The following RBFOX1 variants were observed in gnomAD, a reference collection of about 807,000 sequenced individuals.
The protein encoded by RBFOX1 is RNA binding fox-1 homolog 1.
RBFOX1 carries 8 observed loss-of-function variants against 57.7 expected under a neutral mutation model. The observed-to-expected ratio is 0.14, with a 90% CI of 0.08 to 0.25. The LOEUF (loss-of-function observed/expected upper bound fraction) is 0.25. Among genes scored for constraint, RBFOX1 ranks in the 10% least tolerant of loss-of-function variants. The pLI is 1.00. For missense variants in RBFOX1, 611 were observed against 548.5 expected (o/e 1.11, Z -1.14); for synonymous variants, 326 against 222.4 (o/e 1.47, Z -4.15).
chr16:6,227,466 T>C (rs1567722111), intron 1 of RBFOX1, among the ~76,000 whole-genome samples: 2 of 152,132 alleles, frequency 1.3e-5, no homozygotes, highest in Non-Finnish European at 2.9e-5. Flanking sequence ...CAAACCTTGA[T>C]TTCTCAGGGT....
intron 1 of RBFOX1, among the ~76,000 whole-genome samples, chr16:6,064,122 C>T (rs2095726710): frequency 6.6e-6 from 1 of 152,118 alleles, no homozygotes; most frequent in African/African-American, 2.4e-5. Flanking sequence ...TAACAAGCTC[C>T]TTACTACTGA....
At chr16:5,624,061 T>C (rs898352446) in intron 3 of RBFOX1, among the ~76,000 whole-genome samples, 1 of 152,200 alleles carries the variant, frequency 6.6e-6, no homozygotes, top group Non-Finnish European at 1.5e-5. Flanking sequence ...GTCCACCCCA[T>C]TTTACAGAAG....
At chr16:7,141,111 T>G (rs1482184575) in intron 4 of RBFOX1, among the ~76,000 whole-genome samples, 1 of 152,142 alleles carries the variant, frequency 6.6e-6, no homozygotes, top group Non-Finnish European at 1.5e-5. Context: ...TGAGTCATCT[T>G]GTGCAAAGTG....
chr16:5,272,807 C>T lies in RBFOX1; in HGVS notation c.219+32702C>T, dbSNP rs558551211. On this transcript the variant is annotated intron_variant, in intron 1 of 2. Coordinates refer to the RBFOX1 transcript ENST00000585867. Reference sequence around the variant, plus strand: ...CTCTGGGAATTCTGAGCCCTGGTTCCTTTATTTTGCAGATAACCTTCACTC... The same window carrying T: ...CTCTGGGAATTCTGAGCCCTGGTTCTTTTATTTTGCAGATAACCTTCACTC... 2.6e-5 allele frequency among the ~76,000 whole-genome samples: 4 copies of T among 152,234 alleles called. No individual in the cohort carries two copies. In the South Asian group the frequency reaches 8.3e-4, roughly 32 times the overall value.
At chr16:5,383,717 A>T (rs1222032513) in intron 1 of RBFOX1, among the ~76,000 whole-genome samples, 1 of 152,198 alleles carries the variant, frequency 6.6e-6, no homozygotes, top group Admixed American at 6.5e-5. Flanking sequence ...GCACTGGGAA[A>T]ATGAGTTAGA....
At chr16:5,860,798 C>T (rs960523591) in intron 3 of RBFOX1, among the ~76,000 whole-genome samples, 4 of 152,126 alleles carry the variant, frequency 2.6e-5, no homozygotes, top group African/African-American at 9.7e-5. Context: ...AAGCCAAGCT[C>T]CAGGGCTCCT....
At chr16:7,399,387 C>T (rs1040497832) in intron 4 of RBFOX1, among the ~76,000 whole-genome samples, 2 of 152,090 alleles carry the variant, frequency 1.3e-5, no homozygotes, top group African/African-American at 4.8e-5. Context: ...GCAGAGGTTG[C>T]AGTGAGCCGG....
intron 3 of RBFOX1, among the ~76,000 whole-genome samples, chr16:6,748,004 G>A (rs2074126363): frequency 6.6e-6 from 1 of 152,098 alleles, no homozygotes; most frequent in Non-Finnish European, 1.5e-5. Flanking sequence ...CAAGACTTAG[G>A]TTGTATGATT....
intron 3 of RBFOX1, among the ~76,000 whole-genome samples, chr16:5,722,622 G>A (rs113886248): frequency 0.019 from 2,874 of 152,248 alleles, 97 homozygotes; most frequent in African/African-American, 0.065. Context: ...CCCCACGGTG[G>A]CATTAGGGTT....
At chr16:6,431,895 TGCTTTCTTTCTTTC>T (rs1335201388) in intron 2 of RBFOX1, among the ~76,000 whole-genome samples, 3 of 109,956 alleles carry the variant, frequency 2.7e-5, no homozygotes, top group African/African-American at 1.2e-4. Flanking sequence ...CTTGCTTGCT[TGCTTTCTTTCTTTC>T]TTTCTTTCTT....
chr16:5,732,830 T>G (rs142917933), intron 3 of RBFOX1, among the ~76,000 whole-genome samples: 14 of 152,196 alleles, frequency 9.2e-5, no homozygotes, highest in African/African-American at 3.1e-4. Context: ...TTCACAAAAG[T>G]CTTCAACCGT....
chr16:5,805,369 A>G (rs114507191), intron 3 of RBFOX1, among the ~76,000 whole-genome samples: 2 of 152,224 alleles, frequency 1.3e-5, no homozygotes, highest in South Asian at 4.1e-4. Flanking sequence ...TCTATTAACT[A>G]GTTTAGAGCC....
At chr16:7,600,369 C>G (rs564487540) in intron 9 of RBFOX1, among the ~76,000 whole-genome samples, 1 of 152,298 alleles carries the variant, frequency 6.6e-6, no homozygotes, top group East Asian at 1.9e-4. Context: ...AAGTAGTTCT[C>G]CAAGCTATCC....
intron 1 of RBFOX1, among the ~76,000 whole-genome samples, chr16:5,345,929 A>T (rs1402663512): frequency 6.6e-6 from 1 of 152,178 alleles, no homozygotes; most frequent in Admixed American, 6.5e-5. Flanking sequence ...TGTGGAAGAA[A>T]CCCTGCTAAT....
At chr16:6,610,494 A>AT (rs531328130) in intron 2 of RBFOX1, among the ~76,000 whole-genome samples, 5 of 151,836 alleles carry the variant, frequency 3.3e-5, no homozygotes, top group Non-Finnish European at 5.9e-5. Context: ...CACTCAGCTG[A>AT]TTTTTTTGTA....
chr16:6,149,075 C>T (rs894006935), intron 1 of RBFOX1, among the ~76,000 whole-genome samples: 10 of 152,174 alleles, frequency 6.6e-5, no homozygotes, highest in African/African-American at 2.2e-4. Context: ...TTTTACTTTG[C>T]AAATTTAATG....
intron 4 of RBFOX1, among the ~76,000 whole-genome samples, chr16:7,439,945 C>CTTTTTTTTTTTTTTTTTTTTT (rs1223191346): frequency 8.8e-6 from 1 of 113,394 alleles, no homozygotes. Flanking sequence ...CAAATCTTTT[C>CTTTTTTTTTTTTTTTTTTTTT]TTTCTTTTTT....
intron 2 of RBFOX1, among the ~76,000 whole-genome samples, chr16:6,526,323 G>A (rs995399966): frequency 6.6e-5 from 10 of 152,134 alleles, no homozygotes; most frequent in African/African-American, 2.4e-4. Context: ...TTGCTACATG[G>A]GAGAGGTGTT....
chr16:6,420,352 C>A (rs1202109610), intron 2 of RBFOX1, among the ~76,000 whole-genome samples: 1 of 147,598 alleles, frequency 6.8e-6, no homozygotes, highest in African/African-American at 2.5e-5. Context: ...GATTTTTTTT[C>A]CCTACCTCTT....
Sources: gnomAD v4.1 joint callset for allele counts (sites outside exome capture counted in the v4.1 genomes callset) on GRCh38, gnomAD v4.1.1 for gene constraint, MANE v1.5 for transcripts, NCBI Gene and HGNC (gene_info 2026-07-23, HGNC 2026-07-21) for gene names.